Variants in CHN2 observed in about 807,000 individuals in gnomAD.
The protein encoded by CHN2 is chimerin 2.
CHN2 carries 35 observed loss-of-function variants against 56.3 expected under a neutral mutation model. The ratio of observed to expected loss-of-function variants is 0.62; its 90% CI spans 0.47 to 0.82. The LOEUF is 0.82. CHN2 is among the 40% of genes least tolerant of loss of function. CHN2 has a pLI of 0.00. For synonymous variants in CHN2, 210 were observed against 212.8 expected, an observed-to-expected ratio of 0.99 and a Z score of 0.12; for missense variants, 491 against 580.5, an observed-to-expected ratio of 0.85 and a Z score of 1.58.
intron 6 of CHN2, among the ~76,000 whole-genome samples, chr7:29,437,584 C>A (rs1410896885): frequency 1.4e-5 from 1 of 71,306 alleles, no homozygotes; most frequent in Admixed American, 1.3e-4. Context: ...GGCGACAGAG[C>A]GAGACTCCGT....
chr7:29,259,675 G>A (rs1789387530), intron 1 of CHN2, among the ~76,000 whole-genome samples: 1 of 152,076 alleles, frequency 6.6e-6, no homozygotes, highest in Non-Finnish European at 1.5e-5. Flanking sequence ...ATACTGTATT[G>A]TATACTTGAA....
At chr7:29,480,877 C>T (rs757442464) in intron 7 of CHN2, among the ~76,000 whole-genome samples, 8 of 149,028 alleles carry the variant, frequency 5.4e-5, no homozygotes, top group East Asian at 2.0e-4. Flanking sequence ...ATTTGTGCTC[C>T]GGGTACGGCT....
intron 6 of CHN2, among the ~76,000 whole-genome samples, chr7:29,467,399 G>A (rs185692675): frequency 2.6e-5 from 4 of 152,252 alleles, no homozygotes; most frequent in East Asian, 1.9e-4. Context: ...ATGTGGGAGA[G>A]CATGGATATG....
At position 29,344,336 on chromosome 7, in the gene CHN2, C is replaced by A. The variant is rs146785763; in HGVS notation, c.50-10289C>A. Among the ~76,000 whole-genome samples, 63 of 152,296 alleles carry A rather than the reference C, an allele frequency of 4.1e-4. No homozygotes were observed. In the East Asian group the frequency reaches 0.012, roughly 29 times the overall value. The stretch of plus-strand genomic sequence containing the variant: ...AAATACAGTCTGGACTCTGTATTAT[C>A]CCCGCTTGCATTTTCCCTGCCCTTT... On this transcript the variant is annotated intron_variant, in intron 1 of 12. Transcript: ENST00000222792.
At chr7:29,412,172 G>C (rs367785281) in intron 6 of CHN2, among the ~76,000 whole-genome samples, 1 of 152,086 alleles carries the variant, frequency 6.6e-6, no homozygotes, top group Non-Finnish European at 1.5e-5. Context: ...GTAGCATCTT[G>C]TTTACCAGGC....
intron 6 of CHN2, among the ~76,000 whole-genome samples, chr7:29,452,028 C>T (rs1418245923): frequency 6.6e-6 from 1 of 152,282 alleles, no homozygotes; most frequent in Non-Finnish European, 1.5e-5. Context: ...GCAGGTTGCA[C>T]GTGTGTGTGG....
intron 6 of CHN2, among the ~76,000 whole-genome samples, chr7:29,473,940 G>A (rs1338465839): frequency 1.3e-5 from 2 of 151,792 alleles, no homozygotes; most frequent in Admixed American, 6.6e-5. Flanking sequence ...TTTATATAAT[G>A]GAATAAGAAC....
At chr7:29,427,463 T>C (rs932730356) in intron 6 of CHN2, among the ~76,000 whole-genome samples, 2 of 152,092 alleles carry the variant, frequency 1.3e-5, no homozygotes, top group African/African-American at 2.4e-5. Context: ...GGAGTAACTT[T>C]AGGTGTCAAA....
chr7:29,171,681 G>C (rs78064946), intron 2 of CHN2, among the ~76,000 whole-genome samples: 3,197 of 152,278 alleles, frequency 0.021, 48 homozygotes, highest in Non-Finnish European at 0.03. Flanking sequence ...TATAGCAGTT[G>C]TTGCAGGCTA....
At chr7:29,397,590 A>G (rs148847824) in intron 4 of CHN2, 1 of 152,166 alleles carries the variant, frequency 6.6e-6, no homozygotes, top group East Asian at 1.9e-4. Context: ...GAGCAGCTGT[A>G]TTTACTTAAA....
intron 1 of CHN2, among the ~76,000 whole-genome samples, chr7:29,332,196 C>T (rs1199569347): frequency 6.6e-6 from 1 of 152,220 alleles, no homozygotes; most frequent in Admixed American, 6.5e-5. Context: ...TCCACCCAAG[C>T]TTGGCCCCTT....
In CHN2 at chr7:29,499,912, A is replaced by G. The variant is rs764779323; in HGVS notation, c.785A>G (p.Asn262Ser). The G allele has an allele frequency of 4.3e-6, 7 of 1,610,788 alleles. No homozygotes were observed. In the South Asian group the frequency reaches 4.4e-5, roughly 10 times the overall value. The change falls in exon 9 of 13, where the codon AAT becomes AGT. Residue 262 changes from asparagine to serine, a missense_variant. Asn to Ser is a conservative substitution (Grantham distance 46). Coordinates refer to ENST00000222792, the MANE Select transcript of CHN2 (RefSeq NM_004067.4). ...AAACAGTGTTCCAAGCACGTTCCCAATGACTGCCAACCTGATCTCAAGAGG... is the reference window on the plus strand; with the variant it reads ...AAACAGTGTTCCAAGCACGTTCCCAGTGACTGCCAACCTGATCTCAAGAGG... ...VHKQCSKHVP[N>S]DCQPDLKRIK...
chr7:29,179,822 T>C (rs1401725309), intron 2 of CHN2, among the ~76,000 whole-genome samples: 2 of 152,244 alleles, frequency 1.3e-5, no homozygotes, highest in Non-Finnish European at 2.9e-5. Context: ...TCTTATGCTT[T>C]GCAAAACTGA....
intron 1 of CHN2, among the ~76,000 whole-genome samples, chr7:29,200,316 T>C (rs1249957798): frequency 1.3e-5 from 2 of 151,438 alleles, no homozygotes; most frequent in African/African-American, 4.9e-5. Flanking sequence ...TCTTCTTTCC[T>C]TCCTTTCTCC....
chr7:29,475,652 G>C (rs1786528441), intron 6 of CHN2, among the ~76,000 whole-genome samples: 1 of 152,158 alleles, frequency 6.6e-6, no homozygotes, highest in Non-Finnish European at 1.5e-5. Flanking sequence ...ATGAAGTGTG[G>C]TATATCCATA....
intron 1 of CHN2, among the ~76,000 whole-genome samples, chr7:29,243,407 T>C (rs778785330): frequency 7.2e-5 from 11 of 152,220 alleles, no homozygotes; most frequent in Non-Finnish European, 1.5e-4. Flanking sequence ...GTTTTCTAAG[T>C]TGAATCAGCT....
chr7:29,222,961 A>G (rs573432608), intron 1 of CHN2, among the ~76,000 whole-genome samples: 129 of 152,310 alleles, frequency 8.5e-4, no homozygotes, highest in African/African-American at 3.0e-3. Flanking sequence ...TGCATATCTG[A>G]CAAAGTACTT....
chr7:29,160,839 G>T (rs1795074626), intron 2 of CHN2, among the ~76,000 whole-genome samples: 1 of 152,154 alleles, frequency 6.6e-6, no homozygotes, highest in Non-Finnish European at 1.5e-5. Flanking sequence ...ACATTCAAAT[G>T]ATAATATCTA....
intron 7 of CHN2, among the ~76,000 whole-genome samples, chr7:29,483,219 T>C (rs1371983794): frequency 4.6e-5 from 7 of 152,122 alleles, no homozygotes; most frequent in Non-Finnish European, 1.5e-5. Context: ...GTCAGAACTA[T>C]TACCCCAGGT....
Sources: allele counts gnomAD v4.1 joint callset (sites outside exome capture counted in the v4.1 genomes callset), GRCh38; gene constraint gnomAD v4.1.1; transcripts MANE v1.5; gene names NCBI Gene and HGNC (gene_info 2026-07-23, HGNC 2026-07-21).